Variants in PALLD observed in about 807,000 individuals in gnomAD.
The protein encoded by PALLD is palladin.
PALLD carries 61 observed loss-of-function variants against 123.5 expected under a neutral mutation model. The ratio of observed to expected loss-of-function variants is 0.49; its 90% confidence interval spans 0.40 to 0.61. The LOEUF is 0.61. PALLD is among the 20% of genes least tolerant of loss of function. The pLI, the probability that PALLD is intolerant of heterozygous loss-of-function variation, is 0.00. For synonymous variants in PALLD, 465 were observed against 496.4 expected (o/e 0.94, Z 0.84); for missense variants, 1,273 against 1,377.0 (o/e 0.92, Z 1.20).
In PALLD at chr4:168,824,369, C is replaced by T. The variant is rs371935019; in HGVS notation, c.1965-66553C>T. On this transcript the variant is annotated intron_variant, in intron 10 of 21. Transcript: ENST00000505667. ...CTCAGTGCAGTCTTCTCTCTGAACT[C>T]TTTTCATGAGCCATATCTTATTAAA... is the stretch of plus-strand genomic sequence containing the variant. 2.6e-5 allele frequency among the ~76,000 whole-genome samples: 4 copies of T among 152,244 alleles called. No homozygotes were observed. The East Asian group carries it at 7.7e-4, about 29-fold the overall frequency.
Position 168,511,712 on chromosome 4 carries a change from ACTT to A in PALLD, c.211_213del (p.Ser71del). 6.2e-7 allele frequency: 1 copy of A among 1,614,190 alleles called. No homozygotes were observed. Among genetic ancestry groups the A allele is most frequent in the East Asian group, 2.2e-5 (1 of 44,874 alleles). On this transcript the variant is annotated inframe_deletion, in exon 2 of 22. Coordinates refer to ENST00000505667, the MANE Select transcript of PALLD (RefSeq NM_001166108.2). Reference sequence around the variant, plus strand: ...AAAGGAGATCTCGCAGATTTTCAGTACTTCTCCTGCAAGCCTCTGTGAACATCC... The same window carrying A: ...AAAGGAGATCTCGCAGATTTTCAGTACTCCTGCAAGCCTCTGTGAACATCC...
intron 9 of PALLD, 76 bp downstream of exon 9, chr4:168,709,223 G>A (rs562001361): frequency 5.1e-5 from 77 of 1,507,488 alleles, no homozygotes; most frequent in East Asian, 9.1e-5. Flanking sequence ...GAAAGGCACC[G>A]TCCTGGCCAG....
chr4:168,720,381 A>G (rs1362088739), intron 10 of PALLD, among the ~76,000 whole-genome samples: 1 of 152,216 alleles, frequency 6.6e-6, no homozygotes, highest in East Asian at 1.9e-4. Context: ...AGTGATTTTC[A>G]TTATCCTCGA....
At chr4:168,509,185 T>C (rs1180575501) in intron 1 of PALLD, among the ~76,000 whole-genome samples, 1 of 152,198 alleles carries the variant, frequency 6.6e-6, no homozygotes, top group East Asian at 1.9e-4. Context: ...AAATGATTTT[T>C]TTTCTAGTAG....
chr4:168,512,494 G>C, intron 2 of PALLD, 82 bp downstream of exon 2: 2 of 1,281,112 alleles, frequency 1.6e-6, no homozygotes, highest in Non-Finnish European at 2.2e-6. Flanking sequence ...AAGATTTCCT[G>C]TGTCATTAGC....
At chr4:168,798,818 T>C (rs1738887746) in intron 10 of PALLD, among the ~76,000 whole-genome samples, 1 of 152,248 alleles carries the variant, frequency 6.6e-6, no homozygotes, top group Admixed American at 6.5e-5. Context: ...AAACTTGAAC[T>C]GTCTCATTTG....
intron 10 of PALLD, among the ~76,000 whole-genome samples, chr4:168,859,328 C>T (rs986237840): frequency 6.6e-6 from 1 of 152,190 alleles, no homozygotes; most frequent in Non-Finnish European, 1.5e-5. Context: ...TTGATCTGAA[C>T]AGGATGATCC....
chr4:168,902,096 C>T (rs1346897053), intron 14 of PALLD, among the ~76,000 whole-genome samples: 2 of 152,160 alleles, frequency 1.3e-5, no homozygotes, highest in Non-Finnish European at 2.9e-5. Flanking sequence ...TATTTCTGGT[C>T]TTTTCCTTTC....
intron 2 of PALLD, among the ~76,000 whole-genome samples, chr4:168,562,406 C>T (rs1051257949): frequency 1.3e-5 from 2 of 152,226 alleles, no homozygotes; most frequent in South Asian, 2.1e-4. Flanking sequence ...CTGGAGATAT[C>T]GCTATGAACA....
At chr4:168,783,080 GTGTGTA>G (rs1221170826) in intron 10 of PALLD, among the ~76,000 whole-genome samples, 2,250 of 77,998 alleles carry the variant, frequency 0.029, 35 homozygotes, top group African/African-American at 0.038. Flanking sequence ...GTGTGTGTGT[GTGTGTA>G]TAGTACTGTT....
At chr4:168,678,656 C>A (rs1029836167) in intron 3 of PALLD, among the ~76,000 whole-genome samples, 3 of 152,040 alleles carry the variant, frequency 2.0e-5, no homozygotes, top group Admixed American at 6.6e-5. Context: ...AAATTGCAGC[C>A]CCCCGGGAAG....
Position 168,631,549 on chromosome 4 carries a change from C to A in PALLD, c.909-36641C>A, listed in dbSNP as rs973796337. 3.3e-6 allele frequency: 3 copies of A among 917,404 alleles called. No homozygotes were observed. The African/African-American group carries it at 5.4e-5, about 16-fold the overall frequency. The allele number at this position is 917,404 out of a possible 1,614,324, so 56.8% of individuals were successfully genotyped here. A position where few individuals can be genotyped will look rare whatever the true frequency, so the allele number is the denominator to read the frequency against. On this transcript the variant is annotated intron_variant, in intron 2 of 21. Transcript: ENST00000505667. Reference sequence around the variant, plus strand: ...CATTCCTCCCCAGGACACACCCTCTCCCCCTCCCCAGCAGCCCGGCACTCC... The same window carrying A: ...CATTCCTCCCCAGGACACACCCTCTACCCCTCCCCAGCAGCCCGGCACTCC...
At chr4:168,855,324 C>T (rs1050692458) in intron 10 of PALLD, among the ~76,000 whole-genome samples, 1 of 152,104 alleles carries the variant, frequency 6.6e-6, no homozygotes, top group Non-Finnish European at 1.5e-5. Context: ...CTCTTGACCT[C>T]GTGATCCACC....
rs1782541101 is a variant in PALLD, at chr4:168,690,743, A to G, written c.1476A>G (p.Lys492=). Residue 492 remains lysine, a splice_region_variant and synonymous_variant, in exon 7 of 22, where the codon AAA becomes AAG. Coordinates refer to ENST00000505667, the MANE Select transcript of PALLD (RefSeq NM_001166108.2). The part of the protein sequence containing the change: ...QDSPDFRILQ[K]KPRSTAEPEE... ...CTCCAGATTTCCGAATTCTACAGAAAAGTAAGGAGAAGTGCCCATGTCCCC... is the reference window on the plus strand; with the variant it reads ...CTCCAGATTTCCGAATTCTACAGAAGAGTAAGGAGAAGTGCCCATGTCCCC... The G allele has an allele frequency of 6.2e-7, 1 of 1,613,998 alleles. No individual in the cohort carries two copies. Among genetic ancestry groups the G allele is most frequent in the Non-Finnish European group, 8.5e-7 (1 of 1,179,974 alleles).
chr4:168,758,626 A>G (rs1447173559), intron 10 of PALLD, among the ~76,000 whole-genome samples: 1 of 152,206 alleles, frequency 6.6e-6, no homozygotes, highest in Non-Finnish European at 1.5e-5. Context: ...TCTGAGAAAC[A>G]TTAAACCCAG....
intron 2 of PALLD, among the ~76,000 whole-genome samples, chr4:168,514,395 C>T (rs564151251): frequency 9.9e-5 from 15 of 152,132 alleles, no homozygotes; most frequent in Admixed American, 3.9e-4. Context: ...TTCCCCCGAC[C>T]AATTTGTTCA....
chr4:168,781,187 A>G (rs1735871534), intron 10 of PALLD, among the ~76,000 whole-genome samples: 1 of 152,218 alleles, frequency 6.6e-6, no homozygotes, highest in African/African-American at 2.4e-5. Flanking sequence ...AGGGCCTTTA[A>G]TAACACCAGC....
At chr4:168,718,673 T>C (rs1241802273) in intron 10 of PALLD, among the ~76,000 whole-genome samples, 4 of 152,316 alleles carry the variant, frequency 2.6e-5, no homozygotes, top group African/African-American at 9.6e-5. Context: ...CTGCCAGAGA[T>C]TGTTTACATG....
At chr4:168,903,469 A>G (rs1271748499) in intron 14 of PALLD, among the ~76,000 whole-genome samples, 2 of 152,244 alleles carry the variant, frequency 1.3e-5, no homozygotes, top group Non-Finnish European at 2.9e-5. Context: ...TCATAGAAAT[A>G]ATCATTGCCA....
Sources: allele counts gnomAD v4.1 joint callset (sites outside exome capture counted in the v4.1 genomes callset), GRCh38; gene constraint gnomAD v4.1.1; transcripts MANE v1.5; gene names NCBI Gene and HGNC (gene_info 2026-07-23, HGNC 2026-07-21).